The following THSD7B variants were observed in gnomAD, a reference collection of about 807,000 sequenced individuals.
THSD7B encodes thrombospondin type-1 domain-containing protein 7B.
THSD7B carries 138 observed loss-of-function variants against 213.6 expected under a neutral mutation model. The observed-to-expected ratio is 0.65, with a 90% CI of 0.56 to 0.74. The LOEUF is 0.74. THSD7B is among the 30% of genes least tolerant of loss of function. The pLI is 0.00. For synonymous variants in THSD7B, 742 were observed against 687.0 expected (o/e 1.08, Z -1.25); for missense variants, 1,931 against 1,991.5 (o/e 0.97, Z 0.58).
chr2:136,860,057 G>A (rs972077258), intron 1 of THSD7B, among the ~76,000 whole-genome samples: 34 of 129,250 alleles, frequency 2.6e-4, no homozygotes, highest in South Asian at 1.2e-3. Context: ...TCGCTCTGTC[G>A]CCCAGGCTGG....
chr2:137,618,310 A>G, intron 18 of THSD7B, 82 bp from the exon 19 acceptor site: 1 of 1,094,930 alleles, frequency 9.1e-7, no homozygotes, highest in East Asian at 2.6e-5. Flanking sequence ...TTCTCCACCA[A>G]AGCAGATAAT....
intron 7 of THSD7B, among the ~76,000 whole-genome samples, chr2:137,186,791 T>C (rs1021986902): frequency 1.3e-5 from 2 of 152,186 alleles, no homozygotes; most frequent in Non-Finnish European, 2.9e-5. Context: ...AATCTATACA[T>C]TGTTTTGAAC....
chr2:137,620,162 C>A (rs1027736366), intron 19 of THSD7B, among the ~76,000 whole-genome samples: 1 of 152,168 alleles, frequency 6.6e-6, no homozygotes, highest in Non-Finnish European at 1.5e-5. Flanking sequence ...CTTTTTTATA[C>A]ACTTTAGATG....
chr2:137,536,553 A>G (rs1384060569), intron 15 of THSD7B, among the ~76,000 whole-genome samples: 1 of 151,776 alleles, frequency 6.6e-6, no homozygotes, highest in Admixed American at 6.6e-5. Context: ...TTAAGATTGC[A>G]TGTAGAAGTA....
At chr2:137,532,575 A>T (rs1331858429) in intron 15 of THSD7B, among the ~76,000 whole-genome samples, 3 of 151,812 alleles carry the variant, frequency 2.0e-5, no homozygotes, top group Non-Finnish European at 4.4e-5. Flanking sequence ...AAATTAAATG[A>T]TTTGCTATAA....
chr2:137,660,537 G>A (rs759190521), intron 25 of THSD7B, among the ~76,000 whole-genome samples: 1 of 152,182 alleles, frequency 6.6e-6, no homozygotes, highest in Non-Finnish European at 1.5e-5. Context: ...GGAATAGAAG[G>A]AAAAGAGGGG....
At chr2:137,159,888 G>A (rs945302072) in intron 5 of THSD7B, among the ~76,000 whole-genome samples, 1 of 151,988 alleles carries the variant, frequency 6.6e-6, no homozygotes, top group Admixed American at 6.6e-5. Flanking sequence ...ACTTCACAAA[G>A]CCATTTAATT....
intron 12 of THSD7B, among the ~76,000 whole-genome samples, chr2:137,285,973 G>A (rs962712255): frequency 6.6e-6 from 1 of 151,674 alleles, no homozygotes; most frequent in Non-Finnish European, 1.5e-5. Context: ...GCACGGTGGT[G>A]GGTGCCGGTA....
rs1028767059 is a variant in THSD7B, at chr2:137,656,957, C to T, written c.4267C>T (p.Arg1423Cys). The T allele has an allele frequency of 5.0e-6, 8 of 1,613,716 alleles. No homozygotes were observed. The highest frequency in any genetic ancestry group is 2.2e-5 in the South Asian group (2 of 91,074). ...DSCPQQVLETRPCTGGKCYHY... is the reference protein window; with the variant it reads ...DSCPQQVLETCPCTGGKCYHY... ...CTGCCCCCAACAGGTTCTAGAAACACGCCCTTGTACAGGTACCAAGAGCAC... is the reference window on the plus strand; with the variant it reads ...CTGCCCCCAACAGGTTCTAGAAACATGCCCTTGTACAGGTACCAAGAGCAC... The change falls in exon 23 of 28, where the codon CGC (arginine) becomes TGC (cysteine). Residue 1423 changes from arginine to cysteine, a missense_variant. Coordinates refer to ENST00000409968, the MANE Select transcript of THSD7B (RefSeq NM_001316349.2).
chr2:137,089,446 G>A (rs377681280), intron 3 of THSD7B, among the ~76,000 whole-genome samples: 7 of 150,694 alleles, frequency 4.6e-5, no homozygotes, highest in African/African-American at 7.3e-5. Context: ...ATATATGTGC[G>A]TGTGTGTGTA....
chr2:136,903,925 GGTGTGT>G (rs775988420), intron 2 of THSD7B, among the ~76,000 whole-genome samples: 9 of 108,724 alleles, frequency 8.3e-5, no homozygotes, highest in African/African-American at 3.1e-4. Context: ...CTTCCTGTGA[GGTGTGT>G]GTGTGTGTGT....
chr2:137,537,277 T>C (rs1255644615), intron 15 of THSD7B, among the ~76,000 whole-genome samples: 1 of 151,858 alleles, frequency 6.6e-6, no homozygotes, highest in Non-Finnish European at 1.5e-5. Context: ...GTCTACTACA[T>C]ATGAAGCCGA....
At chr2:137,396,643 G>T (rs1574004373) in intron 12 of THSD7B, among the ~76,000 whole-genome samples, 2 of 138,698 alleles carry the variant, frequency 1.4e-5, no homozygotes, top group South Asian at 2.5e-4. Context: ...ATATTCTGTT[G>T]ATTTGTGGTG....
chr2:136,873,964 A>G (rs950873668), intron 1 of THSD7B, among the ~76,000 whole-genome samples: 4 of 152,180 alleles, frequency 2.6e-5, no homozygotes, highest in Admixed American at 2.6e-4. Flanking sequence ...ATGGCCTTGG[A>G]ATATTGATTT....
intron 12 of THSD7B, among the ~76,000 whole-genome samples, chr2:137,279,977 G>A (rs1357676343): frequency 1.3e-5 from 2 of 152,128 alleles, no homozygotes; most frequent in Non-Finnish European, 2.9e-5. Flanking sequence ...GGGAAAGCCG[G>A]CTTGAGGTTA....
chr2:136,919,889 T>C (rs1390864239), intron 2 of THSD7B, among the ~76,000 whole-genome samples: 1 of 152,214 alleles, frequency 6.6e-6, no homozygotes, highest in Non-Finnish European at 1.5e-5. Flanking sequence ...GGACCGGCTC[T>C]GTGAGGCTGC....
At chr2:137,438,195 C>A (rs1687331994) in intron 14 of THSD7B, among the ~76,000 whole-genome samples, 1 of 152,066 alleles carries the variant, frequency 6.6e-6, no homozygotes, top group Admixed American at 6.6e-5. Context: ...ATGACAGGCA[C>A]AAGGTAACAC....
At chr2:137,324,280 T>C (rs1558758062) in intron 12 of THSD7B, among the ~76,000 whole-genome samples, 1 of 152,192 alleles carries the variant, frequency 6.6e-6, no homozygotes, top group Non-Finnish European at 1.5e-5. Flanking sequence ...CAGTTGATAC[T>C]TAAGAAGTGT....
At chr2:137,651,594 T>G (rs955997707) in intron 21 of THSD7B, among the ~76,000 whole-genome samples, 4 of 152,082 alleles carry the variant, frequency 2.6e-5, no homozygotes, top group Non-Finnish European at 4.4e-5. Flanking sequence ...TTTGTCTTTC[T>G]ACTAATTTGA....
Sources: allele counts gnomAD v4.1 joint callset (sites outside exome capture counted in the v4.1 genomes callset), GRCh38; gene constraint gnomAD v4.1.1; transcripts MANE v1.5; gene names NCBI Gene and HGNC (gene_info 2026-07-23, HGNC 2026-07-21).